The following FLOT2 variants were observed in gnomAD, a reference collection of about 807,000 sequenced individuals.
The protein encoded by FLOT2 is flotillin 2.
Under a neutral mutation model 54.9 loss-of-function variants are expected in FLOT2, and 35 were observed. The observed-to-expected ratio is 0.64, with a 90% CI of 0.49 to 0.84. The LOEUF (loss-of-function observed/expected upper bound fraction) is 0.84, where lower values mean the gene tolerates loss of function less well. FLOT2 is among the 40% of genes least tolerant of loss of function. FLOT2 has a pLI of 0.00. For missense variants in FLOT2, 464 were observed against 572.1 expected, an observed-to-expected ratio of 0.81 and a Z score of 1.93; for synonymous variants, 207 against 228.9, an observed-to-expected ratio of 0.90 and a Z score of 0.86.
At chr17:28,885,699 G>C (rs2039527498) in intron 2 of FLOT2, 6 of 719,120 alleles carry the variant, frequency 8.3e-6, no homozygotes, top group Admixed American at 4.0e-5. Flanking sequence ...GGGATGTACA[G>C]GGATCCATCC....
chr17:28,890,580 G>A (rs2039632740), intron 1 of FLOT2, among the ~76,000 whole-genome samples: 1 of 152,036 alleles, frequency 6.6e-6, no homozygotes, highest in Non-Finnish European at 1.5e-5. Flanking sequence ...TAGAGACGGG[G>A]TTTCACCGTG....
At position 28,880,710 on chromosome 17, in the gene FLOT2, T is replaced by C. The variant is rs1029305667; in HGVS notation, c.1248+3A>G. 1 of 1,614,186 alleles carries C rather than the reference T, an allele frequency of 6.2e-7. No homozygotes were observed. The highest frequency in any genetic ancestry group is 8.5e-7 in the Non-Finnish European group (1 of 1,180,026). ...ACCCCACCGCAGCTAGGCAGGCACA[T>C]ACCTTAGACAGGTCCACGCCTGTGA... On this transcript the variant is annotated splice_donor_region_variant and intron_variant, in intron 10 of 10. Coordinates refer to ENST00000394908, the MANE Select transcript of FLOT2 (RefSeq NM_004475.3).
In FLOT2 at chr17:28,883,965, G is replaced by A. The variant is rs1379257252; in HGVS notation, c.222+260C>T. Among the ~76,000 whole-genome samples, 1 of 152,176 alleles carries A rather than the reference G, an allele frequency of 6.6e-6. No homozygotes were observed. Among genetic ancestry groups the A allele is most frequent in the African/African-American group, 2.4e-5 (1 of 41,432 alleles). On this transcript the variant is annotated intron_variant, in intron 3 of 10. Transcript: ENST00000394908. This position sits in a 1 kb window ranked among gnomAD's most constrained non-coding sequence, Gnocchi z 5.0. ...AATGGGGGTGGGGTTAGTGAGCCAG[G>A]AGCCCTCAGCACTGGTTCTGTCCCT...
rs1221212222 is a variant in FLOT2, at chr17:28,897,080, C to T, written c.49+446G>A. 1.3e-5 allele frequency among the ~76,000 whole-genome samples: 2 copies of T among 152,212 alleles called. No individual in the cohort carries two copies. Among genetic ancestry groups the T allele is most frequent in the Non-Finnish European group, 2.9e-5 (2 of 68,038 alleles). ...CGGGTCTGACTGTGCCGAGAAACGA[C>T]CTCTGTTTCAGGGCCCCTCCCCATA... On this transcript the variant is annotated intron_variant, in intron 1 of 10. Transcript: ENST00000394908. The surrounding 1 kb of genome is among the most constrained non-coding windows in gnomAD (Gnocchi z 4.4).
chr17:28,891,107 C>T (rs902410795), intron 1 of FLOT2, among the ~76,000 whole-genome samples: 6 of 152,106 alleles, frequency 3.9e-5, no homozygotes, highest in African/African-American at 1.4e-4. Flanking sequence ...TCTCGAATTC[C>T]TGGGCTCAAG....
chr17:28,881,483 G>T, intron 8 of FLOT2, 108 bp from the exon 9 acceptor site: 2 of 1,192,824 alleles, frequency 1.7e-6, no homozygotes, highest in Non-Finnish European at 1.2e-6. Context: ...GGCTGTCGGG[G>T]TGGGAGACAT....
chr17:28,894,854 AC>A (rs2039716332), intron 1 of FLOT2, among the ~76,000 whole-genome samples: 1 of 150,652 alleles, frequency 6.6e-6, no homozygotes, highest in Admixed American at 6.6e-5. Context: ...TGAGCCACAT[AC>A]CCCTTTAGCA....
Position 28,883,159 on chromosome 17 carries a change from T to C in FLOT2, c.295A>G (p.Ile99Val), listed in dbSNP as rs201529069. Residue 99 changes from isoleucine to valine, a missense_variant, in exon 4 of 11, where the codon ATC (isoleucine) becomes GTC (valine). Transcript: ENST00000394908. This position sits in a 1 kb window ranked among gnomAD's most constrained non-coding sequence, Gnocchi z 5.0. The part of the protein sequence containing the change: ...EQFLGKNVQD[I>V]KNVVLQTLEG... Reference sequence around the variant, plus strand: ...AGGGTCTGCAGGACGACGTTTTTGATGTCCTGCACATTCTTACCCAGAAAC... The same window carrying C: ...AGGGTCTGCAGGACGACGTTTTTGACGTCCTGCACATTCTTACCCAGAAAC... The C allele has an allele frequency of 1.7e-5, 28 of 1,614,044 alleles. No individual in the cohort carries two copies. The East Asian group carries it at 6.2e-4, about 36-fold the overall frequency.
chr17:28,889,120 T>C (rs1176738238), intron 1 of FLOT2, 94 bp from the exon 2 acceptor site: 1 of 999,314 alleles, frequency 1.0e-6, no homozygotes, highest in African/African-American at 1.6e-5. Flanking sequence ...TTACCTGCTC[T>C]GATACTTGAC....
chr17:28,881,771 G>A (rs777532560), intron 8 of FLOT2, 43 bp downstream of exon 8: 18 of 1,570,760 alleles, frequency 1.1e-5, no homozygotes, highest in East Asian at 2.2e-5. Flanking sequence ...GAAGGCAGAG[G>A]AGCCTGACTA....
At chr17:28,885,903 A>G (rs1468557520) in intron 2 of FLOT2, 4 of 1,550,504 alleles carry the variant, frequency 2.6e-6, no homozygotes, top group Admixed American at 2.0e-5. Context: ...CGACGTCTCA[A>G]TATTCTCACA....
chr17:28,890,390 CTTT>C (rs55640637), intron 1 of FLOT2, among the ~76,000 whole-genome samples: 1 of 145,130 alleles, frequency 6.9e-6, no homozygotes. Flanking sequence ...CCTGAGATTT[CTTT>C]TTTTTTTTTT....
chr17:28,882,299 C>G lies in FLOT2; in HGVS notation c.579+38G>C. 1 of 1,613,876 alleles carries G rather than the reference C, an allele frequency of 6.2e-7. No individual in the cohort carries two copies. Among genetic ancestry groups the G allele is most frequent in the Non-Finnish European group, 8.5e-7 (1 of 1,179,892 alleles). ...GTAGAGGTCCTGAGTCATCATGGTC[C>G]CATCACCCCTGAGCTTCCCATCCTT... is the stretch of plus-strand genomic sequence containing the variant. On this transcript the variant is annotated intron_variant, in intron 6 of 10. Transcript: ENST00000394908. This position sits in a 1 kb window ranked among gnomAD's most constrained non-coding sequence, Gnocchi z 5.6.
At chr17:28,881,426 C>G (rs868513011) in intron 8 of FLOT2, 51 bp from the exon 9 acceptor site, 1 of 1,571,296 alleles carries the variant, frequency 6.4e-7, no homozygotes, top group African/African-American at 1.3e-5. Flanking sequence ...AGGGTCCTCT[C>G]AAGCCTTGCC....
chr17:28,885,887 C>G (rs1297615926), intron 2 of FLOT2: 2 of 1,550,038 alleles, frequency 1.3e-6, no homozygotes, highest in Non-Finnish European at 8.7e-7. Context: ...ATAGTGGAAC[C>G]CCCTCCGACG....
intron 1 of FLOT2, among the ~76,000 whole-genome samples, chr17:28,894,582 CCACTG>C (rs925398432): frequency 2.1e-4 from 31 of 146,424 alleles, no homozygotes; most frequent in Admixed American, 1.3e-3. Context: ...TGAAGTCATA[CCACTG>C]CACTCCAGCC....
chr17:28,882,090 C>T lies in FLOT2; in HGVS notation c.699+28G>A. On this transcript the variant is annotated intron_variant, in intron 7 of 10. Transcript: ENST00000394908. This position sits in a 1 kb window ranked among gnomAD's most constrained non-coding sequence, Gnocchi z 5.6. ...TCACCAAGTCCTGATCCCTGAGCCCCATCCCAGGATGTCCTCAGGCTGCTC... is the reference window on the plus strand; with the variant it reads ...TCACCAAGTCCTGATCCCTGAGCCCTATCCCAGGATGTCCTCAGGCTGCTC... 3 of 1,613,850 alleles carry T rather than the reference C, an allele frequency of 1.9e-6. No homozygotes were observed. The highest frequency in any genetic ancestry group is 1.7e-6 in the Non-Finnish European group (2 of 1,179,744).
chr17:28,889,810 T>G (rs1224432372), intron 1 of FLOT2, among the ~76,000 whole-genome samples: 1 of 151,982 alleles, frequency 6.6e-6, no homozygotes, highest in Non-Finnish European at 1.5e-5. Context: ...CGTCTAATTT[T>G]TGTATTCTTA....
intron 2 of FLOT2, chr17:28,885,500 A>G: frequency 1.5e-6 from 1 of 689,652 alleles, no homozygotes; most frequent in Non-Finnish European, 2.7e-6. Flanking sequence ...GAAGAGGGGA[A>G]CCCACACATG....
Sources: allele counts gnomAD v4.1 joint callset (sites outside exome capture counted in the v4.1 genomes callset), GRCh38; gene constraint gnomAD v4.1.1; non-coding constraint Gnocchi (gnomAD v3.1); transcripts MANE v1.5; gene names NCBI Gene and HGNC (gene_info 2026-07-23, HGNC 2026-07-21).